The following KIF25 variants were observed in gnomAD, a reference collection of about 807,000 sequenced individuals.
KIF25 encodes the protein kinesin-like protein KIF25.
Under a neutral mutation model 32.9 loss-of-function variants are expected in KIF25, and 19 were observed. The ratio of observed to expected loss-of-function variants is 0.58; its 90% CI spans 0.40 to 0.85. The LOEUF is 0.85. KIF25 is among the 40% of genes least tolerant of loss of function. The pLI, the probability that KIF25 is intolerant of heterozygous loss-of-function variation, is 0.00. For missense variants in KIF25, 485 were observed against 507.0 expected, an observed-to-expected ratio of 0.96 and a Z score of 0.42; for synonymous variants, 225 against 213.7, an observed-to-expected ratio of 1.05 and a Z score of -0.46.
At chr6:168,022,232 T>A (rs1167213811) in intron 5 of KIF25, among the ~76,000 whole-genome samples, 1 of 152,210 alleles carries the variant, frequency 6.6e-6, no homozygotes, top group Non-Finnish European at 1.5e-5. Flanking sequence ...TCTGCTGCAT[T>A]CTGGGTAATT....
At position 168,027,868 on chromosome 6, in the gene KIF25, G is replaced by A. The variant is rs76656601; in HGVS notation, c.-94-1624G>A. Among the ~76,000 whole-genome samples the A allele has an allele frequency of 9.2e-3, 1,407 of 152,272 alleles. 20 individuals carry two copies. The highest frequency in any genetic ancestry group is 0.033 in the African/African-American group (1,354 of 41,556). On this transcript the variant is annotated intron_variant, in intron 5 of 12. Transcript: ENST00000643607. Reference sequence around the variant, plus strand: ...CTGTGCATTCTTCACTTCTCTACAAGGACTGACCTTTCCCTTCTCTATCTC... The same window carrying A: ...CTGTGCATTCTTCACTTCTCTACAAAGACTGACCTTTCCCTTCTCTATCTC...
intron 4 of KIF25, among the ~76,000 whole-genome samples, chr6:168,016,792 C>G (rs956347859): frequency 2.6e-5 from 4 of 152,192 alleles, no homozygotes; most frequent in African/African-American, 9.6e-5. Context: ...TAGGGGATAG[C>G]CAGGGCGCTG....
chr6:168,025,089 G>A (rs1798841682), intron 5 of KIF25, among the ~76,000 whole-genome samples: 1 of 152,136 alleles, frequency 6.6e-6, no homozygotes, highest in Non-Finnish European at 1.5e-5. Flanking sequence ...GTTTGGAATG[G>A]AACAGGGTTA....
chr6:168,042,095 C>A lies in KIF25; in HGVS notation c.773C>A (p.Ala258Glu), dbSNP rs138311357. 7.2e-4 allele frequency: 1,114 copies of A among 1,551,522 alleles called. 5 individuals are homozygous for A. The African/African-American group carries it at 7.8e-3, about 11-fold the overall frequency. The stretch of plus-strand genomic sequence containing the variant: ...GTTCCTGGGAACCCCGCAGGGCATG[C>A]GGAGCAGGTGCAGGCTCGACTACAG... Reference protein sequence around the residue: ...QLVPGNPAGHAEQVQARLQLV... With the variant: ...QLVPGNPAGHEEQVQARLQLV... Residue 258 changes from alanine to glutamate, a missense_variant, in exon 11 of 13, where the codon GCG becomes GAG. By Grantham distance (107) the Ala-to-Glu change is moderately radical. Coordinates refer to ENST00000643607, the MANE Select transcript of KIF25 (RefSeq NM_030615.4).
At chr6:167,999,472 C>T (rs1170962692) in intron 2 of KIF25, among the ~76,000 whole-genome samples, 152 bp downstream of exon 2, 2 of 152,208 alleles carry the variant, frequency 1.3e-5, no homozygotes, top group African/African-American at 2.4e-5. Flanking sequence ...AAGGATGGCG[C>T]TGTCTTGCTG....
At chr6:168,025,384 G>A (rs1204041341) in intron 5 of KIF25, among the ~76,000 whole-genome samples, 1 of 152,014 alleles carries the variant, frequency 6.6e-6, no homozygotes, top group African/African-American at 2.4e-5. Flanking sequence ...TTCTACTATC[G>A]TCTTCCCAAC....
intron 5 of KIF25, among the ~76,000 whole-genome samples, chr6:168,022,231 T>A (rs1392473831): frequency 6.6e-6 from 1 of 152,218 alleles, no homozygotes; most frequent in Non-Finnish European, 1.5e-5. Context: ...CTCTGCTGCA[T>A]TCTGGGTAAT....
chr6:168,039,954 T>A, intron 9 of KIF25, 111 bp from the exon 10 acceptor site: 2 of 1,312,872 alleles, frequency 1.5e-6, no homozygotes, highest in Non-Finnish European at 2.0e-6. Flanking sequence ...AGTACCCCAC[T>A]GGCACGCGTG....
In KIF25 at chr6:168,030,821, C is replaced by A. The variant is rs1357364822; in HGVS notation, c.141C>A (p.Cys47Ter). ...ESQSAVFGDVCPLLTSLLDGY... is the reference protein window; with the variant it reads ...ESQSAVFGDV ...AGAGCGCGGTCTTTGGAGATGTGTG[C>A]CCCCTACTCACTTCTCTCTTGGATG... Residue 47 changes from cysteine to a stop codon, truncating the protein, a stop_gained, in exon 7 of 13, where the codon TGC becomes TGA. Transcript: ENST00000643607. LOFTEE classifies it high-confidence loss of function. The A allele has an allele frequency of 2.7e-5, 43 of 1,612,794 alleles. No homozygotes were observed. Among genetic ancestry groups the A allele is most frequent in the Non-Finnish European group, 3.6e-5 (43 of 1,179,380 alleles).
intron 8 of KIF25, among the ~76,000 whole-genome samples, chr6:168,036,895 C>G (rs1799032891): frequency 6.6e-6 from 1 of 152,160 alleles, no homozygotes; most frequent in Non-Finnish European, 1.5e-5. Context: ...AACCCCATCT[C>G]TACTAAAAAT....
intron 4 of KIF25, among the ~76,000 whole-genome samples, chr6:168,010,708 G>A (rs189799110): frequency 1.3e-5 from 2 of 152,020 alleles, no homozygotes; most frequent in Non-Finnish European, 2.9e-5. Context: ...ATCCAATGCT[G>A]AGAGTGGGGT....
intron 4 of KIF25, 61 bp downstream of exon 4, chr6:168,003,764 T>C (rs1008727759): frequency 6.6e-6 from 1 of 152,210 alleles, no homozygotes; most frequent in African/African-American, 2.4e-5. Context: ...ACTGAATAAA[T>C]AGAAAATAAT....
In KIF25 at chr6:168,033,788, T is replaced by G. The variant is rs907246233; in HGVS notation, c.168-94T>G. 3 of 1,270,058 alleles carry G rather than the reference T, an allele frequency of 2.4e-6. No individual in the cohort carries two copies. The Admixed American group carries it at 6.2e-5, about 26-fold the overall frequency. 78.7% of individuals were successfully genotyped at this position (1,270,058 alleles called of 1,614,324 possible). The stretch of plus-strand genomic sequence containing the variant: ...AGTAACAGGAGAATAGGAAATGAAA[T>G]GTATTGAAGTTTCTCATACAAGTGA... On this transcript the variant is annotated intron_variant, in intron 7 of 12. Transcript: ENST00000643607.
At chr6:168,029,386 G>A (rs527525991) in intron 5 of KIF25, 106 bp from the exon 6 acceptor site, 2 of 749,732 alleles carry the variant, frequency 2.7e-6, no homozygotes, top group East Asian at 3.1e-5. Flanking sequence ...GACAATTAAG[G>A]AAATGCGAAC....
chr6:168,009,921 C>T (rs981704717), intron 4 of KIF25, among the ~76,000 whole-genome samples: 1 of 151,968 alleles, frequency 6.6e-6, no homozygotes, highest in African/African-American at 2.4e-5. Flanking sequence ...TGTGATATCT[C>T]TTTTTCTGTT....
intron 7 of KIF25, among the ~76,000 whole-genome samples, chr6:168,033,184 A>G (rs1242892540): frequency 6.6e-6 from 1 of 152,156 alleles, no homozygotes; most frequent in African/African-American, 2.4e-5. Flanking sequence ...GTCGCTTCCA[A>G]TTACAAAATA....
chr6:168,005,679 T>C (rs942089667), intron 4 of KIF25, among the ~76,000 whole-genome samples: 5 of 152,220 alleles, frequency 3.3e-5, no homozygotes, highest in African/African-American at 1.2e-4. Flanking sequence ...TGGAGTCCGA[T>C]GTTCGAGGGT....
At chr6:168,033,626 C>T (rs749834368) in intron 7 of KIF25, among the ~76,000 whole-genome samples, 13 of 152,040 alleles carry the variant, frequency 8.6e-5, no homozygotes, top group Non-Finnish European at 1.8e-4. Flanking sequence ...CAGGAGAAAC[C>T]GGGATGGATG....
At chr6:167,999,562 T>C (rs546940051) in intron 2 of KIF25, among the ~76,000 whole-genome samples, 3 of 152,310 alleles carry the variant, frequency 2.0e-5, no homozygotes, top group Non-Finnish European at 2.9e-5. Flanking sequence ...TGCGTGGTAG[T>C]GGTTCTGCAC....
Sources: gnomAD v4.1 joint callset for allele counts (sites outside exome capture counted in the v4.1 genomes callset) on GRCh38, gnomAD v4.1.1 for gene constraint, MANE v1.5 for transcripts, NCBI Gene and HGNC (gene_info 2026-07-23, HGNC 2026-07-21) for gene names.